Variants in SGMS2 observed in about 807,000 individuals in gnomAD.
SGMS2 encodes the protein phosphatidylcholine:ceramide cholinephosphotransferase 2.
Under a neutral mutation model 43.8 loss-of-function variants are expected in SGMS2, and 21 were observed. The observed-to-expected ratio is 0.48, with a 90% CI of 0.34 to 0.69. The LOEUF is 0.69. SGMS2 is among the 30% of genes least tolerant of loss of function. SGMS2 has a pLI of 0.01. For missense variants in SGMS2, 384 were observed against 443.2 expected, an observed-to-expected ratio of 0.87 and a Z score of 1.20; for synonymous variants, 167 against 160.6, an observed-to-expected ratio of 1.04 and a Z score of -0.30.
chr4:107,887,553 C>T (rs1729859286), intron 2 of SGMS2, among the ~76,000 whole-genome samples: 1 of 152,092 alleles, frequency 6.6e-6, no homozygotes, highest in Admixed American at 6.6e-5. Flanking sequence ...ATACCAAAGC[C>T]AAATATGTCA....
intron 2 of SGMS2, among the ~76,000 whole-genome samples, chr4:107,877,925 T>TC (rs1560654424): frequency 1.4e-5 from 2 of 143,550 alleles, no homozygotes; most frequent in African/African-American, 5.2e-5. Context: ...TTTTTTTTTT[T>TC]TTTTTTTTGA....
At chr4:107,889,853 A>G (rs1392439311) in intron 2 of SGMS2, among the ~76,000 whole-genome samples, 5 of 152,158 alleles carry the variant, frequency 3.3e-5, no homozygotes, top group Non-Finnish European at 2.9e-5. Context: ...CAAATCGAAC[A>G]TAAAATTATA....
intron 1 of SGMS2, among the ~76,000 whole-genome samples, chr4:107,829,093 T>C (rs1725750818): frequency 6.6e-6 from 1 of 152,224 alleles, no homozygotes; most frequent in African/African-American, 2.4e-5. Flanking sequence ...TTAAATACTT[T>C]CAGGTGTTGC....
At chr4:107,882,306 A>G (rs1729420573) in intron 2 of SGMS2, among the ~76,000 whole-genome samples, 1 of 152,112 alleles carries the variant, frequency 6.6e-6, no homozygotes, top group Admixed American at 6.5e-5. Flanking sequence ...AGCTGTTTTA[A>G]CTGGGGTTAG....
At chr4:107,873,417 C>T (rs948506027) in intron 2 of SGMS2, 1 of 152,052 alleles carries the variant, frequency 6.6e-6, no homozygotes, top group Non-Finnish European at 1.5e-5. Flanking sequence ...CATGTTTTCT[C>T]AGGGTTTAGA....
chr4:107,910,405 T>C lies in SGMS2; in HGVS notation c.950T>C (p.Ile317Thr). Reference sequence around the variant, plus strand: ...TTATCTCGAGCATGGTGGTTCCCCATCTTTTATTTTTTTGAGAAAAATGTA... The same window carrying C: ...TTATCTCGAGCATGGTGGTTCCCCACCTTTTATTTTTTTGAGAAAAATGTA... ...NFLSRAWWFP[I>T]FYFFEKNVQG... Residue 317 changes from isoleucine to threonine, a missense_variant, in exon 7 of 7, where the codon ATC (isoleucine) becomes ACC (threonine). By Grantham distance (89) the Ile-to-Thr change is moderately conservative (BLOSUM62 -1). Transcript: ENST00000690982. 1 of 1,614,160 alleles carries C rather than the reference T, an allele frequency of 6.2e-7. No homozygotes were observed. Among genetic ancestry groups the C allele is most frequent in the Middle Eastern group, 1.6e-4 (1 of 6,062 alleles).
At chr4:107,871,808 A>G (rs17038142) in intron 2 of SGMS2, among the ~76,000 whole-genome samples, 24,593 of 152,094 alleles carry the variant, frequency 0.16, 2,143 homozygotes, top group South Asian at 0.38. Flanking sequence ...CAAATTCTGA[A>G]TTCTTGTTAG....
Position 107,895,407 on chromosome 4 carries a change from T to C in SGMS2, c.-147T>C, listed in dbSNP as rs1349965062. ...CTGCATGGAAGAAACAGTAATCGGA[T>C]GGCTACCTTCTACATTTTGTATTAG... On this transcript the variant is annotated 5_prime_UTR_variant, in exon 3 of 7. It removes an upstream start codon present in the reference 5' UTR. Transcript: ENST00000690982. 3 of 794,774 alleles carry C rather than the reference T, an allele frequency of 3.8e-6. No individual in the cohort carries two copies. Among genetic ancestry groups the C allele is most frequent in the Non-Finnish European group, 4.0e-6 (2 of 497,718 alleles). 49.2% of individuals were successfully genotyped at this position (794,774 alleles called of 1,614,324 possible).
At chr4:107,888,533 C>A (rs1653444119) in intron 2 of SGMS2, among the ~76,000 whole-genome samples, 2 of 152,024 alleles carry the variant, frequency 1.3e-5, no homozygotes, top group South Asian at 4.2e-4. Flanking sequence ...GGACTAAATT[C>A]TCTCTCGTAT....
At chr4:107,880,211 A>C (rs142313184) in intron 2 of SGMS2, among the ~76,000 whole-genome samples, 1 of 152,286 alleles carries the variant, frequency 6.6e-6, no homozygotes, top group African/African-American at 2.4e-5. Flanking sequence ...AGAAAGTGTC[A>C]TCAAGATACC....
intron 2 of SGMS2, among the ~76,000 whole-genome samples, chr4:107,861,873 G>GA (rs1727752704): frequency 6.6e-6 from 1 of 152,128 alleles, no homozygotes; most frequent in African/African-American, 2.4e-5. Context: ...ATGAAAGGAA[G>GA]AAAAAATAAA....
At chr4:107,857,012 A>G (rs972272985) in intron 1 of SGMS2, among the ~76,000 whole-genome samples, 2 of 152,132 alleles carry the variant, frequency 1.3e-5, no homozygotes, top group East Asian at 1.9e-4. Context: ...ACCCATTAGC[A>G]TTCACTTTCC....
At position 107,826,583 on chromosome 4, in the gene SGMS2, C is replaced by A. The variant is rs992367098; in HGVS notation, c.-327+1330C>A. Reference sequence around the variant, plus strand: ...TCCTAAAGAAGCAGTGCAAGCAGTGCAAAATTTCCTCTTTATGGCCCTTTC... The same window carrying A: ...TCCTAAAGAAGCAGTGCAAGCAGTGAAAAATTTCCTCTTTATGGCCCTTTC... On this transcript the variant is annotated intron_variant, in intron 1 of 6. Coordinates refer to ENST00000690982, the MANE Select transcript of SGMS2 (RefSeq NM_001375905.1). 2.0e-5 allele frequency among the ~76,000 whole-genome samples: 3 copies of A among 151,932 alleles called. No individual in the cohort carries two copies. The East Asian group carries it at 5.8e-4, about 29-fold the overall frequency.
At chr4:107,909,142 A>G (rs917402718) in intron 6 of SGMS2, among the ~76,000 whole-genome samples, 5 of 147,230 alleles carry the variant, frequency 3.4e-5, no homozygotes, top group Non-Finnish European at 6.0e-5. Context: ...GTCTTGTTCT[A>G]TTGCCCAAGC....
At chr4:107,849,125 CTA>C (rs1184926004) in intron 1 of SGMS2, among the ~76,000 whole-genome samples, 1 of 152,226 alleles carries the variant, frequency 6.6e-6, no homozygotes, top group Admixed American at 6.5e-5. Flanking sequence ...GACTGGTTCT[CTA>C]AGGGAATGCT....
At chr4:107,848,560 C>G (rs1044392496) in intron 1 of SGMS2, among the ~76,000 whole-genome samples, 2 of 152,170 alleles carry the variant, frequency 1.3e-5, no homozygotes, top group Non-Finnish European at 2.9e-5. Flanking sequence ...TCCTGTTGCT[C>G]CACATCCTCA....
chr4:107,864,308 T>C (rs560448480), intron 2 of SGMS2: 1 of 152,322 alleles, frequency 6.6e-6, no homozygotes, highest in East Asian at 1.9e-4. Flanking sequence ...AACCCTGCTC[T>C]GAGGAAGTGG....
At chr4:107,905,040 A>G (rs1731436344) in intron 5 of SGMS2, among the ~76,000 whole-genome samples, 1 of 152,204 alleles carries the variant, frequency 6.6e-6, no homozygotes, top group Non-Finnish European at 1.5e-5. Context: ...AAACACCCCC[A>G]GGAAACTTAG....
At chr4:107,905,303 G>A (rs1731462400) in intron 5 of SGMS2, among the ~76,000 whole-genome samples, 1 of 152,112 alleles carries the variant, frequency 6.6e-6, no homozygotes, top group Non-Finnish European at 1.5e-5. Context: ...CAGCTCTTGT[G>A]AGACTTATTT....
Sources: gnomAD v4.1 joint callset for allele counts (sites outside exome capture counted in the v4.1 genomes callset) on GRCh38, gnomAD v4.1.1 for gene constraint, MANE v1.5 for transcripts, NCBI Gene and HGNC (gene_info 2026-07-23, HGNC 2026-07-21) for gene names.